Variants in HERC5 observed in about 807,000 individuals in gnomAD.
HERC5 encodes HECT and RLD domain containing E3 ubiquitin protein ligase 5.
HERC5 carries 99 observed loss-of-function variants against 119.6 expected under a neutral mutation model. The ratio of observed to expected loss-of-function variants is 0.83; its 90% CI spans 0.70 to 0.98. The LOEUF is 0.98. HERC5 is among the 50% of genes least tolerant of loss of function. The pLI is 0.00. For missense variants in HERC5, 1,267 were observed against 1,241.3 expected (o/e 1.02, Z -0.31); for synonymous variants, 478 against 445.9 (o/e 1.07, Z -0.91).
At position 88,486,162 on chromosome 4, in the gene HERC5, C is replaced by T. The variant is rs145844917; in HGVS notation, c.1785C>T (p.Asp595=). 116 of 1,611,284 alleles carry T rather than the reference C, an allele frequency of 7.2e-5. 1 individual carries two copies. The South Asian group carries it at 8.7e-4, about 12-fold the overall frequency. ...TACCTGAAAGTATTTTCCAAGTAGACGAACTCTTGCACCGTCTCAATTTTT... is the reference window on the plus strand; with the variant it reads ...TACCTGAAAGTATTTTCCAAGTAGATGAACTCTTGCACCGTCTCAATTTTT... ...CQLPESIFQV[D]ELLHRLNFFV... Residue 595 remains aspartate (D), a synonymous_variant, in exon 14 of 23, where the codon GAC becomes GAT. Transcript: ENST00000264350.
intron 9 of HERC5, among the ~76,000 whole-genome samples, 165 bp from the exon 10 acceptor site, chr4:88,470,449 T>C (rs1159685207): frequency 1.3e-5 from 2 of 152,204 alleles, no homozygotes; most frequent in African/African-American, 4.8e-5. Context: ...AATGGACTTT[T>C]AGAAGCCAAG....
rs75070724 is a variant in HERC5 at position 88,459,389 on chromosome 4, A to G, written c.308A>G (p.Asp103Gly). The change falls in exon 2 of 23, where the codon GAC (aspartate) becomes GGC (glycine). Residue 103 changes from aspartate (D) to glycine (G), a missense_variant. Physicochemically the swap from Asp to Gly is moderately conservative, Grantham distance 94. This residue lies in a region of HERC5 where 777 missense variants were observed against 758.0 expected (regional missense o/e 1.03). Coordinates refer to ENST00000264350, the MANE Select transcript of HERC5 (RefSeq NM_016323.4). The stretch of plus-strand genomic sequence containing the variant: ...AAAAACATGAAGATACATTCCGTGG[A>G]CCAAGGAGCAGAGCACATGCTGATT... ...LGKNMKIHSV[D>G]QGAEHMLILS... The G allele has an allele frequency of 2.6e-3, 4,110 of 1,597,524 alleles. 10 individuals carry two copies. The highest frequency in any genetic ancestry group is 2.6e-3 in the Non-Finnish European group (3,023 of 1,173,102).
At chr4:88,476,062 G>A (rs1010958674) in intron 12 of HERC5, 32 bp downstream of exon 12, 4 of 1,541,304 alleles carry the variant, frequency 2.6e-6, no homozygotes, top group African/African-American at 1.4e-5. Flanking sequence ...TACTTTACCT[G>A]TCTTCTCAGT....
intron 1 of HERC5, among the ~76,000 whole-genome samples, chr4:88,458,835 CT>C (rs1243904873): frequency 6.6e-6 from 1 of 152,194 alleles, no homozygotes; most frequent in Non-Finnish European, 1.5e-5. Flanking sequence ...ACAGCATCCT[CT>C]TTAAAGATAG....
chr4:88,459,553 C>A, intron 2 of HERC5, 83 bp downstream of exon 2: 3 of 909,726 alleles, frequency 3.3e-6, no homozygotes, highest in South Asian at 4.2e-5. Flanking sequence ...TGATTCTTGT[C>A]CCCTGCTTTA....
chr4:88,486,082 T>TA (rs764322521), intron 13 of HERC5, 33 bp from the exon 14 acceptor site: 1 of 1,373,674 alleles, frequency 7.3e-7, no homozygotes, highest in Non-Finnish European at 1.0e-6. Flanking sequence ...TCTTTAAATA[T>TA]AAAACTTTTT....
intron 9 of HERC5, among the ~76,000 whole-genome samples, chr4:88,469,673 G>T (rs1019015752): frequency 3.5e-4 from 53 of 152,302 alleles, no homozygotes; most frequent in Admixed American, 5.2e-4. Context: ...ATTATGGAAG[G>T]TCCTTTCTTT....
intron 3 of HERC5, among the ~76,000 whole-genome samples, chr4:88,461,196 A>G (rs950748862): frequency 3.3e-5 from 5 of 152,120 alleles, no homozygotes; most frequent in Non-Finnish European, 7.3e-5. Flanking sequence ...GATAGTATGA[A>G]CTTGTATTGG....
chr4:88,474,600 G>A (rs1740991820), intron 11 of HERC5, among the ~76,000 whole-genome samples: 1 of 152,124 alleles, frequency 6.6e-6, no homozygotes, highest in Non-Finnish European at 1.5e-5. Context: ...ATAAAAATAG[G>A]TAATTATAAC....
Position 88,475,949 on chromosome 4 carries a change from A to G in HERC5, c.1501A>G (p.Ile501Val), listed in dbSNP as rs747977650. Reference sequence around the variant, plus strand: ...TCTCCCAGAATGTCCTATGATGCATATTTCCAACAACTGGGAGAGCCTTGT... The same window carrying G: ...TCTCCCAGAATGTCCTATGATGCATGTTTCCAACAACTGGGAGAGCCTTGT... ...FLLPECPMMH[I>V]SNNWESLVVP... Residue 501 changes from isoleucine (I) to valine (V), a missense_variant, in exon 12 of 23, where the codon ATT (isoleucine) becomes GTT (valine). Physicochemically the swap from Ile to Val is conservative, Grantham distance 29 (BLOSUM62 3). Around this residue, in one of 3 missense-constraint regions of HERC5, gnomAD observed 777 missense variants for 758.0 expected, o/e 1.03. Transcript: ENST00000264350. 1.8e-5 allele frequency: 29 copies of G among 1,613,876 alleles called. No homozygotes were observed. The highest frequency in any genetic ancestry group is 2.5e-5 in the Non-Finnish European group (29 of 1,179,976).
At chr4:88,467,835 C>G (rs759069410) in intron 7 of HERC5, 2 of 960,288 alleles carry the variant, frequency 2.1e-6, no homozygotes, top group Non-Finnish European at 2.5e-6. Context: ...CACCTTGGAG[C>G]ATTTCTGTTA....
At chr4:88,463,782 T>A in intron 5 of HERC5, 73 bp from the exon 6 acceptor site, 19 of 1,533,752 alleles carry the variant, frequency 1.2e-5, no homozygotes, top group Non-Finnish European at 1.7e-5. Context: ...TATTAGTGAT[T>A]CACTTTGCAT....
At chr4:88,469,023 C>A in intron 8 of HERC5, 134 bp from the exon 9 acceptor site, 2 of 588,278 alleles carry the variant, frequency 3.4e-6, no homozygotes, top group Non-Finnish European at 6.0e-6. Flanking sequence ...TGTTGAGTAT[C>A]ACTTTGTGAT....
In HERC5 at chr4:88,493,167, C is replaced by T. The variant is rs774633208; in HGVS notation, c.2277+12C>T. 6.9e-6 allele frequency: 11 copies of T among 1,589,526 alleles called. No homozygotes were observed. The highest frequency in any genetic ancestry group is 2.7e-5 in the African/African-American group (2 of 74,682). ...GGTTTCCTGTCAAGGTAAGTTCCCT[C>T]TTCTTTGCTTAAGGTATTTTGCGAC... On this transcript the variant is annotated intron_variant, in intron 17 of 22. Coordinates refer to ENST00000264350, the MANE Select transcript of HERC5 (RefSeq NM_016323.4).
At chr4:88,467,502 G>A (rs150236658) in intron 7 of HERC5, among the ~76,000 whole-genome samples, 49 of 152,298 alleles carry the variant, frequency 3.2e-4, no homozygotes, top group African/African-American at 1.1e-3. Flanking sequence ...ACTAATTCTT[G>A]TAATTAGTTG....
At chr4:88,479,284 CAAAAAAA>C in intron 12 of HERC5, 62 bp from the exon 13 acceptor site, 4 of 926,232 alleles carry the variant, frequency 4.3e-6, no homozygotes, top group South Asian at 2.2e-5. Flanking sequence ...GACTCTGTCT[CAAAAAAA>C]AAAAAAAAAA....
chr4:88,481,058 A>G (rs1210893331), intron 13 of HERC5, among the ~76,000 whole-genome samples: 2 of 151,958 alleles, frequency 1.3e-5, no homozygotes, highest in African/African-American at 4.8e-5. Context: ...TCTCCCATAA[A>G]GGGTTTTGAT....
intron 12 of HERC5, among the ~76,000 whole-genome samples, chr4:88,478,566 A>G (rs540564568): frequency 5.9e-5 from 9 of 152,034 alleles, no homozygotes; most frequent in African/African-American, 2.2e-4. Flanking sequence ...CGTATTAGGG[A>G]TTTTATTGTT....
chr4:88,488,234 C>CTTT (rs1233602413), intron 15 of HERC5, among the ~76,000 whole-genome samples: 5 of 136,674 alleles, frequency 3.7e-5, no homozygotes, highest in South Asian at 2.3e-4. Flanking sequence ...CTTTTTTTTT[C>CTTT]TTTTTTTTTT....
Sources: gnomAD v4.1 joint callset for allele counts (sites outside exome capture counted in the v4.1 genomes callset) on GRCh38, gnomAD v4.1.1 for gene constraint, gnomAD v4.1.1 regional missense constraint, MANE v1.5 for transcripts, NCBI Gene and HGNC (gene_info 2026-07-23, HGNC 2026-07-21) for gene names.